The following CHN2 variants were observed in gnomAD, a reference collection of about 807,000 sequenced individuals.
CHN2 encodes beta-chimaerin.
A neutral mutation model predicts 56.3 loss-of-function variants in CHN2; 35 were observed. The ratio of observed to expected loss-of-function variants is 0.62; its 90% CI spans 0.47 to 0.82. CHN2 has a LOEUF of 0.82. Among genes scored for constraint, CHN2 ranks in the 40% least tolerant of loss-of-function variants. CHN2 has a pLI of 0.00. For synonymous variants in CHN2, 210 were observed against 212.8 expected, an observed-to-expected ratio of 0.99 and a Z score of 0.12; for missense variants, 491 against 580.5, an observed-to-expected ratio of 0.85 and a Z score of 1.58.
At chr7:29,261,542 G>A (rs1435385161) in intron 1 of CHN2, among the ~76,000 whole-genome samples, 1 of 152,118 alleles carries the variant, frequency 6.6e-6, no homozygotes, top group Non-Finnish European at 1.5e-5. Context: ...CTATCCAAAT[G>A]TACAATAATT....
At chr7:29,458,349 T>G (rs1784912312) in intron 6 of CHN2, among the ~76,000 whole-genome samples, 1 of 150,022 alleles carries the variant, frequency 6.7e-6, no homozygotes, top group Non-Finnish European at 1.5e-5. Flanking sequence ...AATGAGACAG[T>G]AGCTGTTTGT....
intron 6 of CHN2, among the ~76,000 whole-genome samples, chr7:29,477,186 G>A (rs1786676192): frequency 6.6e-6 from 1 of 152,128 alleles, no homozygotes; most frequent in African/African-American, 2.4e-5. Flanking sequence ...TCCCAGTAAT[G>A]CTCGCTCAAA....
intron 1 of CHN2, among the ~76,000 whole-genome samples, chr7:29,263,518 C>T (rs1178714613): frequency 6.6e-6 from 1 of 151,704 alleles, no homozygotes; most frequent in African/African-American, 2.4e-5. Context: ...GCCCCTCTGC[C>T]TGGCCGCCCA....
chr7:29,252,578 G>GTTGTTTTTTTTT (rs1788664962), intron 1 of CHN2, among the ~76,000 whole-genome samples: 1 of 19,488 alleles, frequency 5.1e-5, no homozygotes, highest in Non-Finnish European at 8.2e-5. Flanking sequence ...TGCATTCTTT[G>GTTGTTTTTTTTT]TTTTTTTTTT....
At chr7:29,184,143 C>T (rs1255582871) in intron 2 of CHN2, among the ~76,000 whole-genome samples, 2 of 140,838 alleles carry the variant, frequency 1.4e-5, no homozygotes, top group East Asian at 4.2e-4. Flanking sequence ...ACAGAAGATA[C>T]AGATAGATGA....
intron 6 of CHN2, among the ~76,000 whole-genome samples, chr7:29,421,190 A>G (rs1004145079): frequency 6.6e-6 from 1 of 152,184 alleles, no homozygotes; most frequent in Non-Finnish European, 1.5e-5. Context: ...ATGAAGGTCA[A>G]CTCAAGTTCA....
At chr7:29,400,335 C>T in intron 5 of CHN2, 2 of 592,920 alleles carry the variant, frequency 3.4e-6, no homozygotes, top group South Asian at 4.4e-5. Context: ...TCTCTTCAAG[C>T]ATCAGTTACC....
intron 1 of CHN2, among the ~76,000 whole-genome samples, chr7:29,328,670 TAAAA>T: frequency 7.2e-6 from 1 of 139,102 alleles, no homozygotes; most frequent in East Asian, 2.0e-4. Flanking sequence ...ATTGCTGAAT[TAAAA>T]AAAAAAAAAA....
At chr7:29,335,020 G>T (rs1796509434) in intron 1 of CHN2, among the ~76,000 whole-genome samples, 1 of 152,196 alleles carries the variant, frequency 6.6e-6, no homozygotes, top group Non-Finnish European at 1.5e-5. Context: ...GATACCTTTT[G>T]AATAGGTTGA....
At chr7:29,420,042 AGAGT>A (rs1804173203) in intron 6 of CHN2, among the ~76,000 whole-genome samples, 1 of 148,236 alleles carries the variant, frequency 6.7e-6, no homozygotes, top group East Asian at 2.0e-4. Flanking sequence ...CCCAGGTGAC[AGAGT>A]GAGACTCCAT....
At chr7:29,433,157 G>A (rs553983577) in intron 6 of CHN2, among the ~76,000 whole-genome samples, 46 of 152,330 alleles carry the variant, frequency 3.0e-4, no homozygotes, top group African/African-American at 9.4e-4. Context: ...GCTACATGCC[G>A]TGGGGGGAGA....
At chr7:29,325,118 T>C (rs980024638) in intron 1 of CHN2, among the ~76,000 whole-genome samples, 8 of 152,208 alleles carry the variant, frequency 5.3e-5, no homozygotes, top group African/African-American at 1.9e-4. Flanking sequence ...GGGATCAATT[T>C]CTAGCTGAGC....
intron 3 of CHN2, among the ~76,000 whole-genome samples, chr7:29,378,047 C>G (rs1800210501): frequency 6.6e-6 from 1 of 152,226 alleles, no homozygotes; most frequent in South Asian, 2.1e-4. Flanking sequence ...AATTACACTA[C>G]TCTGGTTGTC....
At position 29,381,072 on chromosome 7, in the gene CHN2, T is replaced by C. The variant is rs556794859; in HGVS notation, c.145-12607T>C. Among the ~76,000 whole-genome samples, 8 of 152,308 alleles carry C rather than the reference T, an allele frequency of 5.3e-5. No individual in the cohort carries two copies. The East Asian group carries it at 1.3e-3, about 26-fold the overall frequency. ...AGGAACATAAGATTAGATGTGAAGA[T>C]AACATTTATCTTCATGATTAAATTC... On this transcript the variant is annotated intron_variant, in intron 3 of 12. Transcript: ENST00000222792.
chr7:29,210,857 C>G lies in CHN2; in HGVS notation c.49+15867C>G, dbSNP rs377639707. Among the ~76,000 whole-genome samples, 26 of 152,114 alleles carry G rather than the reference C, an allele frequency of 1.7e-4. No individual in the cohort carries two copies. In the East Asian group the frequency reaches 2.3e-3, roughly 14 times the overall value. ...AGAAGGAACCGCAGCTGCAGAGTCC[C>G]AATGCGAGAGTGTACCTGGTGTGTT... is the stretch of plus-strand genomic sequence containing the variant. On this transcript the variant is annotated intron_variant, in intron 1 of 12. Transcript: ENST00000222792.
intron 1 of CHN2, chr7:29,334,705 G>A (rs1479709199): frequency 6.6e-6 from 1 of 152,484 alleles, no homozygotes; most frequent in African/African-American, 2.4e-5. Flanking sequence ...GCAGTGAGCT[G>A]TGATTGCACC....
At chr7:29,310,291 C>T (rs1183316154) in intron 1 of CHN2, among the ~76,000 whole-genome samples, 1 of 152,028 alleles carries the variant, frequency 6.6e-6, no homozygotes, top group African/African-American at 2.4e-5. Flanking sequence ...TACTTGAAGC[C>T]ATTAAAATTG....
intron 4 of CHN2, 139 bp from the exon 5 acceptor site, chr7:29,398,234 G>T: frequency 1.6e-6 from 1 of 620,488 alleles, no homozygotes; most frequent in Non-Finnish European, 2.9e-6. Flanking sequence ...ACTTAAGATG[G>T]GCAGTAGTCA....
rs1583439756 is a variant in CHN2, at chr7:29,506,598, C to T, written c.992-630C>T. Among the ~76,000 whole-genome samples, 5 of 152,304 alleles carry T rather than the reference C, an allele frequency of 3.3e-5. No individual in the cohort carries two copies. In the South Asian group the frequency reaches 1.0e-3, roughly 32 times the overall value. Reference sequence around the variant, plus strand: ...GTTGCAGTGAACCAAGATTGCACCACTGCACTCCAGCCTGGGCTACAGAGT... The same window carrying T: ...GTTGCAGTGAACCAAGATTGCACCATTGCACTCCAGCCTGGGCTACAGAGT... On this transcript the variant is annotated intron_variant, in intron 10 of 12. Coordinates refer to ENST00000222792, the MANE Select transcript of CHN2 (RefSeq NM_004067.4).
Sources: gnomAD v4.1 joint callset for allele counts (sites outside exome capture counted in the v4.1 genomes callset) on GRCh38, gnomAD v4.1.1 for gene constraint, MANE v1.5 for transcripts, NCBI Gene and HGNC (gene_info 2026-07-23, HGNC 2026-07-21) for gene names.